PAPPA2: variants seen among roughly 807,000 people sequenced by gnomAD.
PAPPA2 encodes the protein pappalysin 2, also known as pappalysin-2.
In PAPPA2, 86 loss-of-function variants were observed where a neutral mutation model predicts 176.4. That is an observed-to-expected ratio of 0.49 (90% confidence interval 0.41 to 0.58). The LOEUF is 0.58. Among genes scored for constraint, PAPPA2 ranks in the 20% least tolerant of loss-of-function variants. The pLI is 0.00. For missense variants in PAPPA2, 2,073 were observed against 2,256.9 expected (o/e 0.92, Z 1.65); for synonymous variants, 809 against 852.2 (o/e 0.95, Z 0.88).
chr1:176,554,653 A>G (rs1453490006), intron 1 of PAPPA2, among the ~76,000 whole-genome samples: 1 of 152,060 alleles, frequency 6.6e-6, no homozygotes, highest in Non-Finnish European at 1.5e-5. Flanking sequence ...TGAACATCTC[A>G]TTGTTTATTT....
chr1:176,587,307 G>A (rs1171159597), intron 2 of PAPPA2, among the ~76,000 whole-genome samples: 4 of 152,102 alleles, frequency 2.6e-5, no homozygotes, highest in African/African-American at 7.2e-5. Context: ...GATCCCATTT[G>A]TTGATTCTGG....
intron 1 of PAPPA2, among the ~76,000 whole-genome samples, chr1:176,468,458 C>A (rs1156907850): frequency 6.6e-6 from 1 of 152,122 alleles, no homozygotes; most frequent in Non-Finnish European, 1.5e-5. Flanking sequence ...GATACCTTTC[C>A]AGGTATATGG....
At chr1:176,617,968 CTG>C (rs1237796707) in intron 3 of PAPPA2, among the ~76,000 whole-genome samples, 1 of 152,134 alleles carries the variant, frequency 6.6e-6, no homozygotes, top group Non-Finnish European at 1.5e-5. Context: ...TCTAAGCTGA[CTG>C]AAACTGTGCT....
At chr1:176,524,421 C>T (rs896251742) in intron 1 of PAPPA2, among the ~76,000 whole-genome samples, 1 of 152,202 alleles carries the variant, frequency 6.6e-6, no homozygotes, top group East Asian at 1.9e-4. Flanking sequence ...GAATTTTTTT[C>T]TTAAATTTTC....
At chr1:176,642,715 A>G (rs1345459725) in intron 3 of PAPPA2, among the ~76,000 whole-genome samples, 1 of 151,966 alleles carries the variant, frequency 6.6e-6, no homozygotes, top group Admixed American at 6.6e-5. Flanking sequence ...AGTAAGCATC[A>G]GTAATTGAGT....
chr1:176,519,031 A>G (rs1649071739), intron 1 of PAPPA2, among the ~76,000 whole-genome samples: 1 of 152,208 alleles, frequency 6.6e-6, no homozygotes, highest in South Asian at 2.1e-4. Context: ...AAGACATACT[A>G]ATATAATTTA....
intron 3 of PAPPA2, among the ~76,000 whole-genome samples, chr1:176,668,215 A>G (rs1349259033): frequency 6.6e-6 from 1 of 152,196 alleles, no homozygotes; most frequent in African/African-American, 2.4e-5. Context: ...AAAAACCAAG[A>G]TATAACTTCG....
chr1:176,535,976 C>T (rs746654151), intron 1 of PAPPA2, among the ~76,000 whole-genome samples: 2 of 152,174 alleles, frequency 1.3e-5, no homozygotes, highest in African/African-American at 2.4e-5. Flanking sequence ...GAACCTCACA[C>T]TGTAACGTCC....
At chr1:176,520,161 A>C (rs1649134750) in intron 1 of PAPPA2, among the ~76,000 whole-genome samples, 1 of 152,178 alleles carries the variant, frequency 6.6e-6, no homozygotes, top group Non-Finnish European at 1.5e-5. Context: ...AAGAAAAGTT[A>C]CATTTCTATT....
intron 14 of PAPPA2, among the ~76,000 whole-genome samples, chr1:176,751,350 T>C (rs1178849772): frequency 4.7e-5 from 7 of 148,510 alleles, no homozygotes; most frequent in Non-Finnish European, 7.4e-5. Flanking sequence ...TGGGATCTAA[T>C]TAAACTAAAG....
intron 8 of PAPPA2, 142 bp downstream of exon 8, chr1:176,699,731 C>A: frequency 7.4e-7 from 1 of 1,356,336 alleles, no homozygotes; most frequent in Non-Finnish European, 9.9e-7. Context: ...CGTAAAGTGG[C>A]ATATCTGAGG....
chr1:176,627,547 A>G (rs1558481975), intron 3 of PAPPA2, among the ~76,000 whole-genome samples: 2 of 152,200 alleles, frequency 1.3e-5, no homozygotes, highest in African/African-American at 2.4e-5. Flanking sequence ...ACTGAATTTT[A>G]TTTTAACGCT....
rs192701460 is a variant in PAPPA2, at chr1:176,841,018, G to A, written c.5301+747G>A. On this transcript the variant is annotated intron_variant, in intron 22 of 22. Transcript: ENST00000367662. ...GGCTTGAATACTACATCTCTCACTC[G>A]CTAATGTTTAATCCTTACTCAATAT... is the stretch of plus-strand genomic sequence containing the variant. 2.1e-3 allele frequency among the ~76,000 whole-genome samples: 313 copies of A among 152,184 alleles called. 1 individual carries two copies. The highest frequency in any genetic ancestry group is 3.7e-3 in the Non-Finnish European group (252 of 68,002).
At chr1:176,587,793 A>G (rs189210640) in intron 2 of PAPPA2, among the ~76,000 whole-genome samples, 1 of 152,300 alleles carries the variant, frequency 6.6e-6, no homozygotes, top group Non-Finnish European at 1.5e-5. Context: ...TCCATATGAA[A>G]TTTAAAATAG....
At chr1:176,585,253 GTATA>G (rs1278125625) in intron 2 of PAPPA2, among the ~76,000 whole-genome samples, 1 of 151,662 alleles carries the variant, frequency 6.6e-6, no homozygotes. Context: ...GCTTTGCTGG[GTATA>G]GTATTCTCGG....
chr1:176,686,558 C>G (rs771102864), intron 4 of PAPPA2, among the ~76,000 whole-genome samples: 2 of 152,054 alleles, frequency 1.3e-5, no homozygotes, highest in African/African-American at 2.4e-5. Context: ...TAAAGGTTGG[C>G]GAATCTGGGT....
chr1:176,819,152 A>G (rs971370611), intron 21 of PAPPA2, among the ~76,000 whole-genome samples: 2 of 152,152 alleles, frequency 1.3e-5, no homozygotes, highest in African/African-American at 4.8e-5. Context: ...TAAGAAGTTA[A>G]GGGCATCCAC....
chr1:176,512,425 T>G (rs1227021144), intron 1 of PAPPA2, among the ~76,000 whole-genome samples: 1 of 152,126 alleles, frequency 6.6e-6, no homozygotes, highest in Non-Finnish European at 1.5e-5. Flanking sequence ...TACTAACATA[T>G]GCAACAGCTT....
chr1:176,623,762 T>TTCCTTC (rs1558479693), intron 3 of PAPPA2, among the ~76,000 whole-genome samples: 11 of 65,666 alleles, frequency 1.7e-4, no homozygotes, highest in African/African-American at 1.0e-3. Flanking sequence ...TTCCTTCCTT[T>TTCCTTC]CTTTCTTTCT....
Sources: allele counts gnomAD v4.1 joint callset (sites outside exome capture counted in the v4.1 genomes callset), GRCh38; gene constraint gnomAD v4.1.1; transcripts MANE v1.5; gene names NCBI Gene and HGNC (gene_info 2026-07-23, HGNC 2026-07-21).